SH3RF3: variants seen among roughly 807,000 people sequenced by gnomAD.
SH3RF3 encodes the protein E3 ubiquitin-protein ligase SH3RF3.
Under a neutral mutation model 66.3 loss-of-function variants are expected in SH3RF3, and 29 were observed. The ratio of observed to expected loss-of-function variants is 0.44; its 90% confidence interval spans 0.33 to 0.60. SH3RF3 has a LOEUF of 0.60. SH3RF3 is among the 20% of genes least tolerant of loss of function. The probability of loss-of-function intolerance (pLI) is 0.04; values close to 1 mark genes in which losing one functional copy is unlikely to be tolerated. For missense variants in SH3RF3, 1,194 were observed against 1,190.9 expected, an observed-to-expected ratio of 1.00 and a Z score of -0.04; for synonymous variants, 583 against 532.0, an observed-to-expected ratio of 1.10 and a Z score of -1.32.
At chr2:109,408,003 A>T (rs191796702) in intron 4 of SH3RF3, among the ~76,000 whole-genome samples, 1 of 152,282 alleles carries the variant, frequency 6.6e-6, no homozygotes, top group African/African-American at 2.4e-5. Context: ...CTGTGCCTCC[A>T]GGCCATCCTT....
intron 1 of SH3RF3, among the ~76,000 whole-genome samples, chr2:109,183,783 A>T (rs192177881): frequency 6.6e-6 from 1 of 152,132 alleles, no homozygotes; most frequent in East Asian, 1.9e-4. Flanking sequence ...TACTCTTTAC[A>T]TATAAGGAGG....
rs1323302791 is a variant in SH3RF3, at chr2:109,355,627, C to G, written c.849+7678C>G. 3.9e-5 allele frequency among the ~76,000 whole-genome samples: 6 copies of G among 152,284 alleles called. No homozygotes were observed. In the East Asian group the frequency reaches 7.7e-4, roughly 20 times the overall value. On this transcript the variant is annotated intron_variant, in intron 2 of 9. Transcript: ENST00000309415. ...GCACAGGTGTTGTCCCTGTATGCTC[C>G]CTTCAGCGTGGCTTTCCTCTTCGGC...
intron 1 of SH3RF3, among the ~76,000 whole-genome samples, chr2:109,140,109 C>G (rs1046005690): frequency 6.6e-6 from 1 of 152,202 alleles, no homozygotes; most frequent in African/African-American, 2.4e-5. Flanking sequence ...TGGGAGGCCC[C>G]TTTTCCCTCT....
At chr2:109,271,267 C>A (rs1338852516) in intron 1 of SH3RF3, among the ~76,000 whole-genome samples, 6 of 152,198 alleles carry the variant, frequency 3.9e-5, no homozygotes, top group Non-Finnish European at 8.8e-5. Flanking sequence ...CCTGGCCCTG[C>A]ACCCAGGAGT....
chr2:109,433,688 C>G (rs2104574245), intron 6 of SH3RF3, among the ~76,000 whole-genome samples: 1 of 152,332 alleles, frequency 6.6e-6, no homozygotes, highest in South Asian at 2.1e-4. Context: ...TTGAGCAGCT[C>G]TAGTTCGCAA....
intron 8 of SH3RF3, among the ~76,000 whole-genome samples, chr2:109,450,674 G>A (rs12712032): frequency 0.64 from 97,346 of 151,846 alleles, 31,412 homozygotes; most frequent in African/African-American, 0.69. Flanking sequence ...TTTTTTTTAC[G>A]TGAAGTTTTT....
chr2:109,215,545 C>G lies in SH3RF3; in HGVS notation c.573+85432C>G, dbSNP rs115644761. Among the ~76,000 whole-genome samples the G allele has an allele frequency of 9.6e-3, 1,457 of 152,236 alleles. 24 individuals are homozygous for G. Among genetic ancestry groups the G allele is most frequent in the African/African-American group, 0.032 (1,349 of 41,530 alleles). On this transcript the variant is annotated intron_variant, in intron 1 of 9. Coordinates refer to ENST00000309415, the MANE Select transcript of SH3RF3 (RefSeq NM_001099289.3). ...TGCACTCCTGCTTCTATGTGGGTTC[C>G]TCTCGGGAGAGCCCCTGTCTGATGT...
chr2:109,163,390 CT>C (rs70956302), intron 1 of SH3RF3, among the ~76,000 whole-genome samples: 47 of 70,264 alleles, frequency 6.7e-4, no homozygotes, highest in Admixed American at 1.1e-3. Flanking sequence ...AGCAAATATT[CT>C]TTTTTTTTTT....
At chr2:109,133,506 C>G (rs972122572) in intron 1 of SH3RF3, among the ~76,000 whole-genome samples, 1 of 152,152 alleles carries the variant, frequency 6.6e-6, no homozygotes, top group African/African-American at 2.4e-5. Flanking sequence ...TCCAGATTGT[C>G]TTTTTAGCTG....
chr2:109,267,843 G>T (rs1160851004), intron 1 of SH3RF3, among the ~76,000 whole-genome samples: 3 of 152,202 alleles, frequency 2.0e-5, no homozygotes, highest in Non-Finnish European at 4.4e-5. Flanking sequence ...ATGGGGCCAG[G>T]CTCCTGCTGG....
In SH3RF3 at chr2:109,135,917, G is replaced by T. The variant is rs11692244; in HGVS notation, c.573+5804G>T. Among the ~76,000 whole-genome samples the T allele has an allele frequency of 7.7e-3, 1,172 of 152,276 alleles. 7 individuals are homozygous for T. The highest frequency in any genetic ancestry group is 0.012 in the Non-Finnish European group (806 of 68,040). ...CATAATCTGCTTTAAAAAAACAGCA[G>T]GGGAGAATAATCCTGCTCAGTTGCT... On this transcript the variant is annotated intron_variant, in intron 1 of 9. Transcript: ENST00000309415.
intron 2 of SH3RF3, among the ~76,000 whole-genome samples, chr2:109,349,189 G>A (rs894172838): frequency 3.3e-5 from 5 of 152,104 alleles, no homozygotes; most frequent in Admixed American, 6.5e-5. Flanking sequence ...TCTGGAGGGC[G>A]GTAGGAGAAC....
chr2:109,157,803 A>G lies in SH3RF3; in HGVS notation c.573+27690A>G, dbSNP rs569277956. ...ATCCAGAGGGTAAAAGGACACCTTT[A>G]TCAGGATTGAGGATTGTATGGGAGG... On this transcript the variant is annotated intron_variant, in intron 1 of 9. Transcript: ENST00000309415. Among the ~76,000 whole-genome samples the G allele has an allele frequency of 1.9e-3, 296 of 152,290 alleles. 2 individuals carry two copies. The highest frequency in any genetic ancestry group is 6.9e-3 in the African/African-American group (285 of 41,564).
At chr2:109,441,141 A>AAAAAAAAAAT (rs1290792604) in intron 7 of SH3RF3, among the ~76,000 whole-genome samples, 7 of 152,092 alleles carry the variant, frequency 4.6e-5, no homozygotes, top group African/African-American at 1.2e-4. Context: ...ACAAAAAAAA[A>AAAAAAAAAAT]AAAAATTCCA....
intron 1 of SH3RF3, among the ~76,000 whole-genome samples, chr2:109,300,381 C>T (rs7594679): frequency 0.35 from 53,474 of 151,818 alleles, 9,530 homozygotes; most frequent in South Asian, 0.43. Context: ...GGTTTCACCA[C>T]GTTGGTCAGG....
chr2:109,423,404 G>C (rs904397325), intron 5 of SH3RF3, among the ~76,000 whole-genome samples: 1 of 152,094 alleles, frequency 6.6e-6, no homozygotes, highest in Admixed American at 6.5e-5. Context: ...CCATTTGTGC[G>C]TGTGGTCAAA....
chr2:109,132,015 C>A, intron 1 of SH3RF3, among the ~76,000 whole-genome samples: 1 of 152,032 alleles, frequency 6.6e-6, no homozygotes, highest in East Asian at 1.9e-4. Context: ...ATTGAGCAAC[C>A]CTATACAGTT....
At chr2:109,489,980 T>C (rs1315603088) in intron 8 of SH3RF3, among the ~76,000 whole-genome samples, 4 of 152,314 alleles carry the variant, frequency 2.6e-5, no homozygotes, top group East Asian at 3.9e-4. Context: ...TCAAGTGATC[T>C]GCCCACCTTG....
At chr2:109,249,509 CAT>C (rs1187274250) in intron 1 of SH3RF3, among the ~76,000 whole-genome samples, 1 of 66,358 alleles carries the variant, frequency 1.5e-5, no homozygotes, top group Non-Finnish European at 3.1e-5. Flanking sequence ...TTCTTTCTTT[CAT>C]TCTTTCTTTT....
Sources: allele counts gnomAD v4.1 joint callset (sites outside exome capture counted in the v4.1 genomes callset), GRCh38; gene constraint gnomAD v4.1.1; transcripts MANE v1.5; gene names NCBI Gene and HGNC (gene_info 2026-07-23, HGNC 2026-07-21).